Variants in SMTN observed in about 807,000 individuals in gnomAD.
SMTN encodes smoothelin.
In SMTN, 58 loss-of-function variants were observed where a neutral mutation model predicts 102.0. The ratio of observed to expected loss-of-function variants is 0.57; its 90% CI spans 0.46 to 0.71. SMTN has a LOEUF of 0.71. Ranked by LOEUF, SMTN falls within the 30% of genes least tolerant of loss-of-function variation. The pLI, the probability that SMTN is intolerant of heterozygous loss-of-function variation, is 0.00. For synonymous variants in SMTN, 478 were observed against 497.9 expected, an observed-to-expected ratio of 0.96 and a Z score of 0.53; for missense variants, 1,185 against 1,241.7, an observed-to-expected ratio of 0.95 and a Z score of 0.69.
intron 3 of SMTN, 73 bp from the exon 4 acceptor site, chr22:31,088,440 G>A: frequency 7.4e-7 from 1 of 1,357,226 alleles, no homozygotes; most frequent in South Asian, 1.2e-5. Flanking sequence ...CTCTGTTCTG[G>A]CTCCTACCCT....
intron 1 of SMTN, chr22:31,064,268 G>A (rs910281455): frequency 5.3e-5 from 8 of 152,150 alleles, no homozygotes; most frequent in African/African-American, 1.7e-4. Context: ...AAATGTCATG[G>A]GCATTTAGGG....
At chr22:31,093,286 C>T in intron 11 of SMTN, 1 of 298,640 alleles carries the variant, frequency 3.3e-6, no homozygotes, top group South Asian at 3.1e-5. Flanking sequence ...ATTTGGGCTG[C>T]AGCTCCAGCT....
In SMTN at chr22:31,098,937, C is replaced by T. The variant is rs1217215395; in HGVS notation, c.2333+97C>T. 3.2e-6 allele frequency: 5 copies of T among 1,547,600 alleles called. No homozygotes were observed. In the African/African-American group the frequency reaches 6.8e-5, roughly 21 times the overall value. ...TGGCCCGGCAGAGGCGGGAAGACCG[C>T]GCGGCTAGATCTGTGGTGCAAAGGC... On this transcript the variant is annotated intron_variant, in intron 17 of 20. Transcript: ENST00000333137.
At chr22:31,080,325 T>TCAG (rs1409987852), upstream of SMTN, 1 of 152,242 alleles carries the variant, frequency 6.6e-6, no homozygotes, top group African/African-American at 2.4e-5. Flanking sequence ...TTACTACTTA[T>TCAG]CAGCTGTTGT....
chr22:31,091,706 C>T lies in SMTN; in HGVS notation c.1491C>T (p.Thr497=). The T allele has an allele frequency of 6.2e-7, 1 of 1,609,686 alleles. No individual in the cohort carries two copies. Among genetic ancestry groups the T allele is most frequent in the Non-Finnish European group, 8.5e-7 (1 of 1,176,996 alleles). ...CACTGGGGCTGCGGGCGCCCCCGAC[C>T]CTACTCAGCACCAGTAGTGGGGGCA... ...ELTLGLRAPP[T]LLSTSSGGKS... Residue 497 remains threonine, a synonymous_variant, in exon 11 of 21, where the codon ACC becomes ACT. Transcript: ENST00000333137.
chr22:31,071,773 G>T (rs1569231839), intron 1 of SMTN, among the ~76,000 whole-genome samples: 1 of 145,050 alleles, frequency 6.9e-6, no homozygotes, highest in African/African-American at 2.6e-5. Context: ...TCGGCTCACT[G>T]CAACCTCCAC....
intron 6 of SMTN, 29 bp from the exon 7 acceptor site, chr22:31,089,670 C>T: frequency 1.3e-6 from 2 of 1,575,318 alleles, no homozygotes; most frequent in African/African-American, 2.7e-5. Flanking sequence ...CCTAGGGAGC[C>T]TTGGTTGCAT....
At chr22:31,082,790 A>G in intron 1 of SMTN, 1 of 1,408,394 alleles carries the variant, frequency 7.1e-7, no homozygotes, top group Non-Finnish European at 9.5e-7. Flanking sequence ...GGCCCTGTGG[A>G]TGGGTGGGTG....
intron 1 of SMTN, among the ~76,000 whole-genome samples, chr22:31,071,171 T>TTGAGACCAGCTGGGCAA (rs1184347655): frequency 6.7e-6 from 1 of 150,300 alleles, no homozygotes. Flanking sequence ...GCCCAGGAGT[T>TTGAGACCAGCTGGGCAA]CAAGGCTTCA....
rs558521611 is a variant in SMTN at position 31,075,536 on chromosome 22, C to T, written c.-385-4914C>T. Among the ~76,000 whole-genome samples the T allele has an allele frequency of 2.0e-5, 3 of 152,180 alleles. No homozygotes were observed. The East Asian group carries it at 5.8e-4, about 29-fold the overall frequency. On this transcript the variant is annotated intron_variant, in intron 1 of 3. Coordinates refer to the SMTN transcript ENST00000422839. The stretch of plus-strand genomic sequence containing the variant: ...TCTCTACTGAAAATACAAAAATTAG[C>T]CAGGCGTGGTGACGGGCCCTTGTAA...
At chr22:31,064,722 A>T (rs1391566170) in intron 1 of SMTN, 1 of 152,120 alleles carries the variant, frequency 6.6e-6, no homozygotes, top group African/African-American at 2.4e-5. Context: ...TTGGTGTTTA[A>T]TTTTGAAATA....
intron 20 of SMTN, chr22:31,102,795 G>A (rs1041838825): frequency 2.0e-5 from 3 of 152,570 alleles, no homozygotes; most frequent in Non-Finnish European, 4.4e-5. Context: ...CCAGGTTGGA[G>A]AGGGCGGTCG....
chr22:31,088,548 T>C lies in SMTN; in HGVS notation c.236T>C (p.Leu79Pro). Residue 79 changes from leucine (L) to proline (P), a missense_variant, in exon 4 of 21, where the codon CTG becomes CCG. Leu to Pro is a moderately conservative substitution (Grantham distance 98). Coordinates refer to ENST00000333137, the MANE Select transcript of SMTN (RefSeq NM_134269.3). The stretch of plus-strand genomic sequence containing the variant: ...CGGGAAGCTGAGCAGCGGGCTGCCC[T>C]GGCACGGCTGGCAGGGCAGCTGGAG... ...QQREAEQRAA[L>P]ARLAGQLESM... 1 of 1,613,514 alleles carries C rather than the reference T, an allele frequency of 6.2e-7. No individual in the cohort carries two copies. Among genetic ancestry groups the C allele is most frequent in the Non-Finnish European group, 8.5e-7 (1 of 1,179,916 alleles).
chr22:31,095,810 C>T lies in SMTN; in HGVS notation c.1861+201C>T. ...CTAGCTCCTTCTCTCCCGCTGGTGA[C>T]CCCAGTTATTCTCCCCAACCAGCTT... On this transcript the variant is annotated intron_variant, in intron 13 of 20. Coordinates refer to ENST00000333137, the MANE Select transcript of SMTN (RefSeq NM_134269.3). The surrounding 1 kb of genome is among the most constrained non-coding windows in gnomAD (Gnocchi z 4.1). The T allele has an allele frequency of 8.4e-6, 5 of 597,968 alleles. No individual in the cohort carries two copies. In the East Asian group the frequency reaches 1.4e-4, roughly 17 times the overall value. The allele number at this position is 597,968 out of a possible 1,614,324, so 37.0% of individuals were successfully genotyped here.
Position 31,095,327 on chromosome 22 carries a change from C to G in SMTN, c.1657C>G (p.Leu553Val). Residue 553 changes from leucine (L) to valine (V), a missense_variant, in exon 12 of 21, where the codon CTC (leucine) becomes GTC (valine). Transcript: ENST00000333137. The surrounding 1 kb of genome is among the most constrained non-coding windows in gnomAD (Gnocchi z 4.1). ...IKMEAEPAEP[L>V]AAAVEAANGA... ...GATGGAAGCAGAGCCAGCAGAGCCTCTCGCTGCAGCAGTGGAAGCGGCCAA... is the reference window on the plus strand; with the variant it reads ...GATGGAAGCAGAGCCAGCAGAGCCTGTCGCTGCAGCAGTGGAAGCGGCCAA... 1 of 1,614,076 alleles carries G rather than the reference C, an allele frequency of 6.2e-7. No individual in the cohort carries two copies. The highest frequency in any genetic ancestry group is 8.5e-7 in the Non-Finnish European group (1 of 1,180,036).
chr22:31,099,987 G>A (rs1054437279), intron 19 of SMTN, 91 bp downstream of exon 19: 24 of 1,312,468 alleles, frequency 1.8e-5, no homozygotes, highest in South Asian at 1.5e-4. Flanking sequence ...CCCCTGGAGC[G>A]GGCCAGCCAC....
chr22:31,083,851 T>C (rs1602593607), intron 2 of SMTN, among the ~76,000 whole-genome samples: 1 of 152,268 alleles, frequency 6.6e-6, no homozygotes, highest in South Asian at 2.1e-4. Context: ...AACCCCATAG[T>C]GGGCCACGGG....
At chr22:31,101,979 T>C (rs2044132926) in intron 20 of SMTN, 1 of 151,746 alleles carries the variant, frequency 6.6e-6, no homozygotes, top group South Asian at 2.1e-4. Flanking sequence ...ATAGATCTGG[T>C]TTGGAGAGGG....
chr22:31,067,280 G>T (rs557719648), intron 1 of SMTN: 1 of 143,160 alleles, frequency 7.0e-6, no homozygotes, highest in Non-Finnish European at 1.5e-5. Context: ...TTGCTCTGTC[G>T]CCAGGCTGGA....
Sources: gnomAD v4.1 joint callset for allele counts (sites outside exome capture counted in the v4.1 genomes callset) on GRCh38, gnomAD v4.1.1 for gene constraint, Gnocchi (gnomAD v3.1) non-coding constraint, MANE v1.5 for transcripts, NCBI Gene and HGNC (gene_info 2026-07-23, HGNC 2026-07-21) for gene names.